CAMK2D: variants seen among roughly 807,000 people sequenced by gnomAD.
CAMK2D encodes calcium/calmodulin-dependent protein kinase type II subunit delta.
A neutral mutation model predicts 84.0 loss-of-function variants in CAMK2D; 37 were observed. The ratio of observed to expected loss-of-function variants is 0.44; its 90% confidence interval spans 0.34 to 0.58. The LOEUF (loss-of-function observed/expected upper bound fraction) is 0.58, where lower values mean the gene tolerates loss of function less well. Ranked by LOEUF, CAMK2D falls within the 20% of genes least tolerant of loss-of-function variation. The pLI is 0.02. For missense variants in CAMK2D, 448 were observed against 652.5 expected (o/e 0.69, Z 3.41); for synonymous variants, 202 against 212.5 (o/e 0.95, Z 0.43).
intron 3 of CAMK2D, among the ~76,000 whole-genome samples, chr4:113,649,620 T>C (rs1464731973): frequency 6.6e-6 from 1 of 152,262 alleles, no homozygotes; most frequent in Non-Finnish European, 1.5e-5. Flanking sequence ...AGTTTCATTA[T>C]AGTATATAAT....
intron 3 of CAMK2D, among the ~76,000 whole-genome samples, chr4:113,658,322 C>T (rs2099211428): frequency 2.0e-5 from 3 of 152,090 alleles, no homozygotes; most frequent in Admixed American, 1.3e-4. Context: ...TCTCCTATTT[C>T]TCTCATTAGA....
intron 2 of CAMK2D, among the ~76,000 whole-genome samples, chr4:113,746,517 C>A (rs2099604508): frequency 6.6e-6 from 1 of 152,068 alleles, no homozygotes; most frequent in African/African-American, 2.4e-5. Flanking sequence ...ATAATTGGTT[C>A]TCTGTCAATA....
rs781319111 is a variant in CAMK2D, at chr4:113,761,113, A to T, written c.-45T>A. Reference sequence around the variant, plus strand: ...CTGGCTGGGAGCGCGACGGACCAGAAGCGAGCAGACGCGCGGCTAACCCCG... The same window carrying T: ...CTGGCTGGGAGCGCGACGGACCAGATGCGAGCAGACGCGCGGCTAACCCCG... On this transcript the variant is annotated 5_prime_UTR_variant, in exon 1 of 21. Coordinates refer to ENST00000511664, the MANE Select transcript of CAMK2D (RefSeq NM_001321571.2). The T allele has an allele frequency of 6.2e-7, 1 of 1,612,778 alleles. No homozygotes were observed. Among genetic ancestry groups the T allele is most frequent in the Non-Finnish European group, 8.5e-7 (1 of 1,179,900 alleles).
At chr4:113,609,069 G>T in intron 4 of CAMK2D, 83 bp downstream of exon 4, 1 of 736,102 alleles carries the variant, frequency 1.4e-6, no homozygotes, top group South Asian at 1.6e-5. Context: ...TCAGTAATTT[G>T]GACTGTACAG....
chr4:113,611,970 T>TTTGC, intron 3 of CAMK2D, among the ~76,000 whole-genome samples: 1 of 152,230 alleles, frequency 6.6e-6, no homozygotes. Flanking sequence ...TATATACATA[T>TTTGC]TTCCTTCCTT....
intron 13 of CAMK2D, among the ~76,000 whole-genome samples, chr4:113,505,781 A>G (rs2098120743): frequency 6.6e-6 from 1 of 152,212 alleles, no homozygotes; most frequent in Non-Finnish European, 1.5e-5. Flanking sequence ...TTTAAAGAAT[A>G]TATCATTACC....
intron 5 of CAMK2D, among the ~76,000 whole-genome samples, chr4:113,551,053 A>G (rs2098624504): frequency 6.6e-6 from 1 of 152,184 alleles, no homozygotes; most frequent in African/African-American, 2.4e-5. Context: ...CTCTGATGGC[A>G]TTGGAGAATG....
rs115103278 is a variant in CAMK2D at position 113,703,408 on chromosome 4, T to C, written c.161-41636A>G. Among the ~76,000 whole-genome samples the C allele has an allele frequency of 5.7e-3, 867 of 152,288 alleles. 14 individuals are homozygous for C. The highest frequency in any genetic ancestry group is 0.019 in the African/African-American group (799 of 41,554). On this transcript the variant is annotated intron_variant, in intron 2 of 20. Transcript: ENST00000511664. ...GGTACAATCACAATTCACTGAAGCT[T>C]TGACTGGCCCAAACTCAAACAATTT...
intron 2 of CAMK2D, among the ~76,000 whole-genome samples, chr4:113,691,153 G>A (rs1444828992): frequency 1.3e-5 from 2 of 152,046 alleles, no homozygotes; most frequent in African/African-American, 4.8e-5. Flanking sequence ...ATACTAAAGG[G>A]TAGAACACCC....
At chr4:113,458,582 G>C (rs991664416) in intron 18 of CAMK2D, among the ~76,000 whole-genome samples, 5 of 151,576 alleles carry the variant, frequency 3.3e-5, no homozygotes, top group African/African-American at 9.8e-5. Flanking sequence ...GGTGTCGATA[G>C]AGAGTTAGTT....
At position 113,453,600 on chromosome 4, in the gene CAMK2D, T is replaced by C. The variant is rs1457569696; in HGVS notation, c.*945A>G. 1 of 152,206 alleles carries C rather than the reference T, an allele frequency of 6.6e-6. No individual in the cohort carries two copies. Among genetic ancestry groups the C allele is most frequent in the Non-Finnish European group, 1.5e-5 (1 of 68,042 alleles). 9.4% of individuals were successfully genotyped at this position (152,206 alleles called of 1,614,324 possible). A position where few individuals can be genotyped will look rare whatever the true frequency, so the allele number is the denominator to read the frequency against. On this transcript the variant is annotated 3_prime_UTR_variant, in exon 21 of 21. Coordinates refer to ENST00000511664, the MANE Select transcript of CAMK2D (RefSeq NM_001321571.2). Reference sequence around the variant, plus strand: ...CTGAAGATGATCAAAAGTGCTAGTATAGCTACCTTCAAAAGACTTTTATTT... The same window carrying C: ...CTGAAGATGATCAAAAGTGCTAGTACAGCTACCTTCAAAAGACTTTTATTT...
intron 2 of CAMK2D, among the ~76,000 whole-genome samples, chr4:113,673,816 G>A (rs867480555): frequency 6.6e-6 from 1 of 152,238 alleles, no homozygotes; most frequent in Non-Finnish European, 1.5e-5. Flanking sequence ...TGATTACTCT[G>A]ATCAGGACTT....
intron 15 of CAMK2D, among the ~76,000 whole-genome samples, chr4:113,501,635 G>A (rs2098047547): frequency 6.6e-6 from 1 of 151,962 alleles, no homozygotes; most frequent in African/African-American, 2.4e-5. Context: ...ACCAAAGAAA[G>A]GAATCTTCAT....
chr4:113,512,555 G>A lies in CAMK2D; in HGVS notation c.946+773C>T, dbSNP rs539028291. On this transcript the variant is annotated intron_variant, in intron 12 of 20. Transcript: ENST00000511664. The stretch of plus-strand genomic sequence containing the variant: ...ATGAACTTAGGTCTAAGAGAACTGG[G>A]TTCCTCAATAATGGTCTTCCCTTTT... 2.0e-5 allele frequency among the ~76,000 whole-genome samples: 3 copies of A among 152,168 alleles called. No individual in the cohort carries two copies. In the East Asian group the frequency reaches 5.8e-4, roughly 29 times the overall value.
At chr4:113,750,914 G>A (rs1041071283) in intron 2 of CAMK2D, among the ~76,000 whole-genome samples, 11 of 152,170 alleles carry the variant, frequency 7.2e-5, no homozygotes, top group African/African-American at 2.7e-4. Flanking sequence ...CAGCTACTCA[G>A]GAGGCTGAGG....
chr4:113,666,067 T>A (rs560623093), intron 2 of CAMK2D, among the ~76,000 whole-genome samples: 2 of 152,312 alleles, frequency 1.3e-5, no homozygotes, highest in South Asian at 4.1e-4. Flanking sequence ...AATCCTTGAC[T>A]CCTGTTCCAA....
chr4:113,489,418 A>G (rs1157416415), intron 16 of CAMK2D, among the ~76,000 whole-genome samples: 3 of 151,046 alleles, frequency 2.0e-5, no homozygotes, highest in Non-Finnish European at 4.4e-5. Flanking sequence ...GCGATAGTTT[A>G]CTGAGAATGA....
intron 3 of CAMK2D, among the ~76,000 whole-genome samples, chr4:113,657,415 G>A (rs2099206346): frequency 6.6e-6 from 1 of 151,992 alleles, no homozygotes; most frequent in South Asian, 2.1e-4. Flanking sequence ...AACAAAGCTT[G>A]GCAATGGCTA....
chr4:113,473,202 T>C (rs1272966586), intron 16 of CAMK2D, among the ~76,000 whole-genome samples: 1 of 152,228 alleles, frequency 6.6e-6, no homozygotes, highest in Non-Finnish European at 1.5e-5. Flanking sequence ...TTCACACAAC[T>C]GGGTGCCCCG....
Sources: allele counts gnomAD v4.1 joint callset (sites outside exome capture counted in the v4.1 genomes callset), GRCh38; gene constraint gnomAD v4.1.1; transcripts MANE v1.5; gene names NCBI Gene and HGNC (gene_info 2026-07-23, HGNC 2026-07-21).